The following UTRN variants were observed in gnomAD, a reference collection of about 807,000 sequenced individuals.
UTRN encodes the protein dystrophin-related protein 1.
A neutral mutation model predicts 463.9 loss-of-function variants in UTRN; 283 were observed. The observed-to-expected ratio is 0.61, with a 90% confidence interval of 0.55 to 0.67. UTRN has a LOEUF of 0.67. Ranked by LOEUF, UTRN falls within the 30% of genes least tolerant of loss-of-function variation. UTRN has a pLI of 0.00. For missense variants in UTRN, 3,922 were observed against 4,084.3 expected, an observed-to-expected ratio of 0.96 and a Z score of 1.08; for synonymous variants, 1,442 against 1,431.5, an observed-to-expected ratio of 1.01 and a Z score of -0.17.
chr6:144,433,805 C>A (rs1436747325), intron 9 of UTRN, among the ~76,000 whole-genome samples: 4 of 151,246 alleles, frequency 2.6e-5, no homozygotes, highest in African/African-American at 9.7e-5. Flanking sequence ...AAGAGGTGCT[C>A]CTCACTTCCT....
intron 52 of UTRN, among the ~76,000 whole-genome samples, chr6:144,681,970 T>C (rs554792723): frequency 6.6e-6 from 1 of 152,228 alleles, no homozygotes; most frequent in East Asian, 1.9e-4. Flanking sequence ...CAAGCATTTA[T>C]CTTTTGTGTT....
At chr6:144,636,406 G>C (rs1777182100) in intron 51 of UTRN, among the ~76,000 whole-genome samples, 1 of 152,128 alleles carries the variant, frequency 6.6e-6, no homozygotes, top group African/African-American at 2.4e-5. Context: ...TGGGGGGCTA[G>C]GGGAGGGAGA....
At chr6:144,724,620 C>A (rs904957354) in intron 53 of UTRN, among the ~76,000 whole-genome samples, 1 of 151,816 alleles carries the variant, frequency 6.6e-6, no homozygotes, top group African/African-American at 2.4e-5. Context: ...CCTTAAGCAA[C>A]GAGTAATCTA....
At chr6:144,666,044 A>G (rs1236365496) in intron 51 of UTRN, among the ~76,000 whole-genome samples, 1 of 152,184 alleles carries the variant, frequency 6.6e-6, no homozygotes, top group Non-Finnish European at 1.5e-5. Flanking sequence ...TGTGCTGTTT[A>G]AAGTTCAGAA....
intron 2 of UTRN, among the ~76,000 whole-genome samples, chr6:144,334,597 T>G (rs1359987928): frequency 6.6e-6 from 1 of 152,220 alleles, no homozygotes; most frequent in African/African-American, 2.4e-5. Context: ...TTACTGCTAT[T>G]GAGGAACATG....
chr6:144,691,808 G>T (rs1203558422), intron 52 of UTRN, among the ~76,000 whole-genome samples: 1 of 151,984 alleles, frequency 6.6e-6, no homozygotes, highest in Non-Finnish European at 1.5e-5. Flanking sequence ...ATTGTGATTT[G>T]CAATGATTTT....
chr6:144,750,157 TG>T (rs1368419201), intron 55 of UTRN, among the ~76,000 whole-genome samples: 4 of 151,770 alleles, frequency 2.6e-5, no homozygotes, highest in Non-Finnish European at 5.9e-5. Flanking sequence ...AAAATCCCTT[TG>T]CCCACCCTAA....
At position 144,487,692 on chromosome 6, in the gene UTRN, C is replaced by G. The variant is rs1487285863; in HGVS notation, c.3967C>G (p.His1323Asp). The change falls in exon 29 of 75, where the codon CAC becomes GAC. Residue 1323 changes from histidine to aspartate, a missense_variant. His to Asp is a moderately conservative substitution (Grantham distance 81). Transcript: ENST00000367545. ...AFNSRYEDLS[H>D]LAESKQISLE... ...CAACAGCCGATATGAAGATCTAAGT[C>G]ACCTGGTAAGAGTTGGGACATACAT... 2 of 1,611,134 alleles carry G rather than the reference C, an allele frequency of 1.2e-6. No homozygotes were observed. The highest frequency in any genetic ancestry group is 1.7e-5 in the Admixed American group (1 of 59,730).
chr6:144,538,769 A>G (rs1378185809), intron 44 of UTRN, among the ~76,000 whole-genome samples: 7 of 152,206 alleles, frequency 4.6e-5, no homozygotes, highest in Non-Finnish European at 1.0e-4. Flanking sequence ...TTTTGTCTAT[A>G]AAGGAGTATG....
intron 53 of UTRN, among the ~76,000 whole-genome samples, chr6:144,703,299 T>C (rs186987245): frequency 1.1e-4 from 17 of 152,142 alleles, no homozygotes; most frequent in Admixed American, 4.6e-4. Flanking sequence ...GCTCGATGTT[T>C]GACATGTTAA....
In UTRN at chr6:144,674,312, C is replaced by T. The variant is rs186346186; in HGVS notation, c.7480-4094C>T. Among the ~76,000 whole-genome samples the T allele has an allele frequency of 2.2e-4, 33 of 150,572 alleles. No individual in the cohort carries two copies. The East Asian group carries it at 5.9e-3, about 27-fold the overall frequency. On this transcript the variant is annotated intron_variant, in intron 51 of 74. Transcript: ENST00000367545. ...CTTAGATTTGGTTGTTTAACATAAT[C>T]CTAAATTTCTTGGAGGCTGTTTTTT...
intron 56 of UTRN, 123 bp from the exon 57 acceptor site, chr6:144,754,592 GGGTCT>G (rs1440669017): frequency 3.0e-6 from 2 of 660,924 alleles, no homozygotes; most frequent in Non-Finnish European, 4.7e-6. Flanking sequence ...GGGGTCCAAG[GGGTCT>G]ATATAAACAA....
rs200555240 is a variant in UTRN, at chr6:144,487,673, C to T, written c.3948C>T (p.Ser1316=). The T allele has an allele frequency of 6.2e-7, 1 of 1,612,030 alleles. No homozygotes were observed. Among genetic ancestry groups the T allele is most frequent in the African/African-American group, 1.3e-5 (1 of 74,950 alleles). ...IISEKLEAFN[S]RYEDLSHLAE... is the part of the protein sequence containing the mutation. ...GTGAGAAACTGGAGGCTTTCAACAG[C>T]CGATATGAAGATCTAAGTCACCTGG... The change falls in exon 29 of 75, where the codon AGC becomes AGT. Residue 1316 remains serine (S), a synonymous_variant. Transcript: ENST00000367545.
intron 49 of UTRN, among the ~76,000 whole-genome samples, chr6:144,555,620 G>A (rs115582289): frequency 0.015 from 2,266 of 152,224 alleles, 63 homozygotes; most frequent in African/African-American, 0.052. Flanking sequence ...CTGTAGAGAC[G>A]GGGTTCCGCC....
intron 51 of UTRN, among the ~76,000 whole-genome samples, chr6:144,609,350 G>A (rs1018627675): frequency 1.3e-5 from 2 of 152,108 alleles, no homozygotes; most frequent in African/African-American, 4.8e-5. Flanking sequence ...TACAAAGGAG[G>A]CTATCACATA....
At chr6:144,560,843 G>C (rs970935633) in intron 50 of UTRN, among the ~76,000 whole-genome samples, 1 of 151,912 alleles carries the variant, frequency 6.6e-6, no homozygotes, top group Non-Finnish European at 1.5e-5. Context: ...TAATGTGTTT[G>C]ATTGCTTCCC....
intron 62 of UTRN, among the ~76,000 whole-genome samples, chr6:144,790,412 T>C (rs1776660266): frequency 6.6e-6 from 1 of 152,232 alleles, no homozygotes. Context: ...TCAACATGCA[T>C]ACATTTTAAA....
chr6:144,749,531 G>T (rs1438990359), intron 55 of UTRN, among the ~76,000 whole-genome samples: 1 of 152,164 alleles, frequency 6.6e-6, no homozygotes, highest in Admixed American at 6.6e-5. Flanking sequence ...TTATAGGAAA[G>T]TGCAGTCATA....
At chr6:144,559,627 G>A (rs886311977) in intron 50 of UTRN, among the ~76,000 whole-genome samples, 11 of 152,068 alleles carry the variant, frequency 7.2e-5, no homozygotes, top group African/African-American at 2.7e-4. Flanking sequence ...GGATACGAGT[G>A]ACCTTAGAGT....
Sources: allele counts gnomAD v4.1 joint callset (sites outside exome capture counted in the v4.1 genomes callset), GRCh38; gene constraint gnomAD v4.1.1; transcripts MANE v1.5; gene names NCBI Gene and HGNC (gene_info 2026-07-23, HGNC 2026-07-21).